Variants in CHD6 observed in about 807,000 individuals in gnomAD.
CHD6 encodes ATP-dependent chromatin remodeler CHD6.
In CHD6, 50 loss-of-function variants were observed where a neutral mutation model predicts 276.9. That is an observed-to-expected ratio of 0.18 (90% CI 0.14 to 0.23). The LOEUF (loss-of-function observed/expected upper bound fraction) is 0.23. Ranked by LOEUF, CHD6 falls within the 10% of genes least tolerant of loss-of-function variation. The pLI, the probability that CHD6 is intolerant of heterozygous loss-of-function variation, is 1.00. For missense variants in CHD6, 2,564 were observed against 3,365.8 expected, an observed-to-expected ratio of 0.76 and a Z score of 5.89; for synonymous variants, 1,173 against 1,229.3, an observed-to-expected ratio of 0.95 and a Z score of 0.96.
chr20:41,438,816 G>A (rs1041736434), intron 26 of CHD6, among the ~76,000 whole-genome samples: 20 of 152,134 alleles, frequency 1.3e-4, no homozygotes, highest in African/African-American at 4.8e-4. Context: ...CCAGTCATAT[G>A]GGCCTCTGTT....
chr20:41,469,878 T>C (rs915615499), intron 17 of CHD6, among the ~76,000 whole-genome samples: 1 of 152,246 alleles, frequency 6.6e-6, no homozygotes. Flanking sequence ...ATCTCTTTTG[T>C]TATTCCTAAG....
intron 1 of CHD6, among the ~76,000 whole-genome samples, 171 bp downstream of exon 1, chr20:41,618,169 G>A (rs1177211090): frequency 1.3e-5 from 2 of 150,710 alleles, no homozygotes; most frequent in Non-Finnish European, 3.0e-5. Flanking sequence ...CCGCCCGCCG[G>A]CCCCGCTCGG....
chr20:41,565,733 A>G (rs1031846082), intron 1 of CHD6, among the ~76,000 whole-genome samples: 3 of 152,230 alleles, frequency 2.0e-5, no homozygotes, highest in Non-Finnish European at 4.4e-5. Flanking sequence ...TGAAAATAAT[A>G]AAGTGAGAGA....
Position 41,421,609 on chromosome 20 carries a change from C to G in CHD6, c.5026G>C (p.Asp1676His). 1 of 1,613,948 alleles carries G rather than the reference C, an allele frequency of 6.2e-7. No homozygotes were observed. The highest frequency in any genetic ancestry group is 2.2e-5 in the East Asian group (1 of 44,876). The change falls in exon 31 of 37, where the codon GAT (aspartate) becomes CAT (histidine). Residue 1676 changes from aspartate (D) to histidine (H), a missense_variant. Asp to His is a moderately conservative substitution (Grantham distance 81, BLOSUM62 -1). Transcript: ENST00000373233. ...GAAATAAAGTTTTCACATGTCACAT[C>G]AGGCAGGCTGAGATGATCATCTCTG... ...ESRDDHLSLP[D>H]VTCENFISKV...
chr20:41,604,739 G>A (rs1464170879), intron 1 of CHD6, among the ~76,000 whole-genome samples: 2 of 152,116 alleles, frequency 1.3e-5, no homozygotes, highest in African/African-American at 2.4e-5. Context: ...CCTGTGGCGG[G>A]GAGCACAGAA....
chr20:41,578,139 C>T (rs2045494155), intron 1 of CHD6, among the ~76,000 whole-genome samples: 1 of 152,124 alleles, frequency 6.6e-6, no homozygotes, highest in Non-Finnish European at 1.5e-5. Context: ...ATTTTATTTT[C>T]CTTTATTGAA....
intron 1 of CHD6, among the ~76,000 whole-genome samples, chr20:41,552,820 T>C (rs761680372): frequency 6.6e-6 from 1 of 152,016 alleles, no homozygotes; most frequent in Non-Finnish European, 1.5e-5. Flanking sequence ...AGGAGGTAAG[T>C]AGTTGGAAAG....
At chr20:41,518,843 T>C (rs2044314568) in intron 3 of CHD6, among the ~76,000 whole-genome samples, 1 of 152,182 alleles carries the variant, frequency 6.6e-6, no homozygotes, top group Non-Finnish European at 1.5e-5. Flanking sequence ...ATAAGGTATA[T>C]ATTTCTGCTC....
At chr20:41,588,968 A>G (rs1383076821) in intron 1 of CHD6, among the ~76,000 whole-genome samples, 5 of 152,114 alleles carry the variant, frequency 3.3e-5, no homozygotes, top group Non-Finnish European at 5.9e-5. Context: ...AAAATCCTCA[A>G]TAAAATACTG....
chr20:41,557,512 T>C (rs2045253957), intron 1 of CHD6, among the ~76,000 whole-genome samples: 1 of 152,088 alleles, frequency 6.6e-6, no homozygotes, highest in Admixed American at 6.5e-5. Context: ...TAGTAACTTT[T>C]AAAAAATAAC....
At chr20:41,463,782 G>A (rs1391425972) in intron 17 of CHD6, among the ~76,000 whole-genome samples, 1 of 152,162 alleles carries the variant, frequency 6.6e-6, no homozygotes, top group Non-Finnish European at 1.5e-5. Context: ...TATAAAATAT[G>A]TTGAAACAAA....
chr20:41,432,595 C>T (rs967647542), intron 27 of CHD6, among the ~76,000 whole-genome samples: 1 of 152,116 alleles, frequency 6.6e-6, no homozygotes, highest in African/African-American at 2.4e-5. Flanking sequence ...AGGTGCCCCC[C>T]CCGACCTCTG....
chr20:41,446,537 T>G (rs573499347), intron 24 of CHD6, among the ~76,000 whole-genome samples: 1 of 152,182 alleles, frequency 6.6e-6, no homozygotes, highest in Non-Finnish European at 1.5e-5. Context: ...GTTTAGGGAA[T>G]AGCATGCATC....
intron 3 of CHD6, among the ~76,000 whole-genome samples, chr20:41,521,148 A>G (rs762663145): frequency 2.0e-5 from 3 of 152,222 alleles, no homozygotes; most frequent in Non-Finnish European, 4.4e-5. Context: ...ATAAAAAACT[A>G]AAGATGAAAA....
Position 41,402,639 on chromosome 20 carries a change from AT to A in CHD6, c.*1953del, listed in dbSNP as rs991465690. On this transcript the variant is annotated 3_prime_UTR_variant, in exon 37 of 37. Transcript: ENST00000373233. ...TATTTTAAGGATTTAGGGCAAATAC[AT>A]TTTTTTTTCTACTTGATAAAAAGAA... 278 of 220,522 alleles carry A rather than the reference AT, an allele frequency of 1.3e-3. No homozygotes were observed. The highest frequency in any genetic ancestry group is 5.3e-3 in the African/African-American group (236 of 44,658). 13.7% of individuals were successfully genotyped at this position (220,522 alleles called of 1,614,324 possible). A position where few individuals can be genotyped will look rare whatever the true frequency, so the allele number is the denominator to read the frequency against.
At chr20:41,480,268 G>A (rs370773126) in intron 16 of CHD6, among the ~76,000 whole-genome samples, 2 of 152,152 alleles carry the variant, frequency 1.3e-5, no homozygotes, top group African/African-American at 2.4e-5. Context: ...AGGCCAGGGA[G>A]GAGGAAGTCA....
chr20:41,540,701 C>G (rs975267778), intron 2 of CHD6, among the ~76,000 whole-genome samples: 1 of 152,152 alleles, frequency 6.6e-6, no homozygotes, highest in East Asian at 1.9e-4. Context: ...GCCTCGCTGG[C>G]TCCTGCTGCT....
chr20:41,567,894 A>T (rs1487477819), intron 1 of CHD6, among the ~76,000 whole-genome samples: 2 of 152,108 alleles, frequency 1.3e-5, no homozygotes, highest in Non-Finnish European at 2.9e-5. Flanking sequence ...AGGCTCCTAA[A>T]CCTCTCCCTG....
At chr20:41,497,815 T>C in intron 7 of CHD6, 2 of 444,148 alleles carry the variant, frequency 4.5e-6, no homozygotes, top group Non-Finnish European at 8.2e-6. Context: ...GAAAGGAAAA[T>C]ATACAAGAGG....
Sources: gnomAD v4.1 joint callset for allele counts (sites outside exome capture counted in the v4.1 genomes callset) on GRCh38, gnomAD v4.1.1 for gene constraint, MANE v1.5 for transcripts, NCBI Gene and HGNC (gene_info 2026-07-23, HGNC 2026-07-21) for gene names.